Variants in CADM2 observed in about 807,000 individuals in gnomAD.
CADM2 encodes the protein immunoglobulin superfamily member 4D.
CADM2 carries 12 observed loss-of-function variants against 49.8 expected under a neutral mutation model. The observed-to-expected ratio is 0.24, with a 90% confidence interval of 0.15 to 0.39. The LOEUF is 0.39. Ranked by LOEUF, CADM2 falls within the 10% of genes least tolerant of loss-of-function variation. The probability of loss-of-function intolerance (pLI) is 1.00; values close to 1 mark genes in which losing one functional copy is unlikely to be tolerated. For missense variants in CADM2, 378 were observed against 492.3 expected (o/e 0.77, Z 2.20); for synonymous variants, 214 against 175.4 (o/e 1.22, Z -1.74).
At chr3:85,185,599 A>G (rs924913725) in intron 1 of CADM2, among the ~76,000 whole-genome samples, 1 of 152,056 alleles carries the variant, frequency 6.6e-6, no homozygotes, top group East Asian at 1.9e-4. Flanking sequence ...CACCATGTCT[A>G]CTTCACACAT....
At chr3:85,412,201 G>A (rs527657585) in intron 1 of CADM2, among the ~76,000 whole-genome samples, 4 of 152,130 alleles carry the variant, frequency 2.6e-5, no homozygotes, top group Admixed American at 6.5e-5. Context: ...TTGGAAATGT[G>A]GATCATGGGT....
At chr3:85,132,901 GGTGA>G (rs895914246) in intron 1 of CADM2, among the ~76,000 whole-genome samples, 35 of 152,262 alleles carry the variant, frequency 2.3e-4, no homozygotes, top group African/African-American at 8.4e-4. Context: ...GGACCCTGGC[GGTGA>G]GTGTTACAGC....
At chr3:85,051,057 TTATG>T (rs1246179346) in intron 1 of CADM2, among the ~76,000 whole-genome samples, 1 of 152,200 alleles carries the variant, frequency 6.6e-6, no homozygotes, top group African/African-American at 2.4e-5. Flanking sequence ...TTTCCAAAGC[TTATG>T]TGGAGACTAG....
intron 1 of CADM2, among the ~76,000 whole-genome samples, chr3:85,268,352 T>C (rs927992757): frequency 6.6e-6 from 1 of 151,496 alleles, no homozygotes; most frequent in African/African-American, 2.4e-5. Flanking sequence ...ATTTACCTAG[T>C]GTGGCATATT....
chr3:85,302,081 T>A lies in CADM2; in HGVS notation c.61+342413T>A, dbSNP rs72921327. 6.4e-3 allele frequency among the ~76,000 whole-genome samples: 980 copies of A among 152,174 alleles called. 15 individuals are homozygous for A. The highest frequency in any genetic ancestry group is 0.022 in the African/African-American group (916 of 41,542). ...GTATTCTAATATGTGTCATTGTTAT[T>A]CAAACAACTGAATTACTTTGCTTTA... On this transcript the variant is annotated intron_variant, in intron 1 of 9. Coordinates refer to ENST00000383699, the MANE Select transcript of CADM2 (RefSeq NM_001167675.2).
intron 1 of CADM2, among the ~76,000 whole-genome samples, chr3:84,964,414 C>T (rs566450022): frequency 2.4e-4 from 36 of 152,214 alleles, no homozygotes; most frequent in East Asian, 1.9e-3. Flanking sequence ...TTTGGGGGTA[C>T]ATTAATAATC....
chr3:85,751,624 C>T (rs1462597766), intron 2 of CADM2, among the ~76,000 whole-genome samples: 1 of 152,100 alleles, frequency 6.6e-6, no homozygotes, highest in Non-Finnish European at 1.5e-5. Flanking sequence ...GACGCTGCAG[C>T]ACTCTCACAT....
intron 1 of CADM2, among the ~76,000 whole-genome samples, chr3:84,992,903 C>T (rs17734437): frequency 0.09 from 13,703 of 152,040 alleles, 832 homozygotes; most frequent in Non-Finnish European, 0.14. Flanking sequence ...GACGAGCAGC[C>T]TTTTCAAGTA....
chr3:85,513,796 A>C (rs990785612), intron 1 of CADM2, among the ~76,000 whole-genome samples: 26 of 151,996 alleles, frequency 1.7e-4, no homozygotes, highest in African/African-American at 6.3e-4. Context: ...TGACATTATG[A>C]GTCTAAGATT....
chr3:85,932,481 G>A (rs1259031831), intron 6 of CADM2, among the ~76,000 whole-genome samples: 2 of 152,132 alleles, frequency 1.3e-5, no homozygotes, highest in East Asian at 3.9e-4. Context: ...AAAAGACCTA[G>A]AGAAATTCAT....
At chr3:85,862,727 T>G (rs964613980) in intron 3 of CADM2, among the ~76,000 whole-genome samples, 1 of 152,196 alleles carries the variant, frequency 6.6e-6, no homozygotes, top group Non-Finnish European at 1.5e-5. Context: ...ATAGTTAACA[T>G]GGAGTGACAT....
chr3:85,835,295 G>T (rs1416186501), intron 3 of CADM2, among the ~76,000 whole-genome samples: 2 of 149,024 alleles, frequency 1.3e-5, no homozygotes, highest in Non-Finnish European at 3.0e-5. Flanking sequence ...GGTAGCTACT[G>T]TGAAAACAGT....
intron 1 of CADM2, among the ~76,000 whole-genome samples, chr3:85,148,514 T>C (rs2039822246): frequency 6.6e-6 from 1 of 152,204 alleles, no homozygotes; most frequent in Non-Finnish European, 1.5e-5. Context: ...TTACATCATA[T>C]ATAACTGAAA....
intron 1 of CADM2, among the ~76,000 whole-genome samples, chr3:85,352,953 C>T (rs1206601499): frequency 2.0e-5 from 3 of 151,974 alleles, no homozygotes; most frequent in Non-Finnish European, 4.4e-5. Context: ...ACTAGTGAGT[C>T]CTTAAGTAGA....
chr3:85,935,289 G>A (rs1721067571), intron 6 of CADM2, among the ~76,000 whole-genome samples: 1 of 152,110 alleles, frequency 6.6e-6, no homozygotes, highest in Admixed American at 6.6e-5. Context: ...ATTTTGAAAA[G>A]ATTCTGCATA....
At chr3:85,294,567 G>A (rs1287684974) in intron 1 of CADM2, among the ~76,000 whole-genome samples, 2 of 152,036 alleles carry the variant, frequency 1.3e-5, no homozygotes, top group Non-Finnish European at 2.9e-5. Flanking sequence ...ACCCAAAACA[G>A]CATGGTACTG....
rs544604347 is a variant in CADM2 at position 85,908,642 on chromosome 3, G to GT, written c.530-3730dup. Among the ~76,000 whole-genome samples the GT allele has an allele frequency of 4.7e-3, 711 of 151,856 alleles. 3 individuals are homozygous for GT. The highest frequency in any genetic ancestry group is 0.016 in the African/African-American group (674 of 41,432). On this transcript the variant is annotated intron_variant, in intron 5 of 9. Transcript: ENST00000383699. ...TGCATGCCATCACCCAATTTTAAATGTATCGACATTCAGCCATCTTTGTTT... is the reference window on the plus strand; with the variant it reads ...TGCATGCCATCACCCAATTTTAAATGTTATCGACATTCAGCCATCTTTGTTT...
At chr3:85,260,636 C>T (rs989498764) in intron 1 of CADM2, among the ~76,000 whole-genome samples, 1 of 152,118 alleles carries the variant, frequency 6.6e-6, no homozygotes, top group Non-Finnish European at 1.5e-5. Context: ...TTCACATTTG[C>T]AAGACACTGC....
intron 1 of CADM2, among the ~76,000 whole-genome samples, chr3:85,398,709 G>T (rs1378953895): frequency 1.3e-5 from 2 of 152,188 alleles, no homozygotes; most frequent in African/African-American, 4.8e-5. Context: ...TAACTGGTGT[G>T]AGATGGCATC....
Sources: allele counts gnomAD v4.1 joint callset (sites outside exome capture counted in the v4.1 genomes callset), GRCh38; gene constraint gnomAD v4.1.1; transcripts MANE v1.5; gene names NCBI Gene and HGNC (gene_info 2026-07-23, HGNC 2026-07-21).